EVA1C: variants seen among roughly 807,000 people sequenced by gnomAD.
EVA1C encodes protein eva-1 homolog C.
Under a neutral mutation model 45.4 loss-of-function variants are expected in EVA1C, and 25 were observed. The observed-to-expected ratio is 0.55, with a 90% CI of 0.40 to 0.77. The LOEUF (loss-of-function observed/expected upper bound fraction) is 0.77, where lower values mean the gene tolerates loss of function less well. Among genes scored for constraint, EVA1C ranks in the 30% least tolerant of loss-of-function variants. EVA1C has a pLI of 0.00. For missense variants in EVA1C, 479 were observed against 554.8 expected, an observed-to-expected ratio of 0.86 and a Z score of 1.37; for synonymous variants, 190 against 221.2, an observed-to-expected ratio of 0.86 and a Z score of 1.25.
At position 32,467,848 on chromosome 21, in the gene EVA1C, G is replaced by A. The variant is rs764609074; in HGVS notation, c.634G>A (p.Asp212Asn). The part of the protein sequence containing the change: ...SSKAERLPPF[D>N]CLSYSALQVL... Reference sequence around the variant, plus strand: ...CAAGGCAGAGCGGCTCCCCCCTTTCGGTATGTGCTTTTGTGTGTGTATTAG... The same window carrying A: ...CAAGGCAGAGCGGCTCCCCCCTTTCAGTATGTGCTTTTGTGTGTGTATTAG... Residue 212 changes from aspartate to asparagine, a missense_variant and splice_region_variant, in exon 4 of 8, where the codon GAT becomes AAT. Around this residue, in one of 3 missense-constraint regions of EVA1C, gnomAD observed 366 missense variants for 426.1 expected, o/e 0.86. Coordinates refer to ENST00000300255, the MANE Select transcript of EVA1C (RefSeq NM_058187.5). 4.7e-5 allele frequency: 76 copies of A among 1,605,510 alleles called. No homozygotes were observed. The highest frequency in any genetic ancestry group is 5.9e-5 in the Non-Finnish European group (70 of 1,176,912).
At chr21:32,423,498 T>A (rs1465643363) in intron 1 of EVA1C, among the ~76,000 whole-genome samples, 1 of 152,046 alleles carries the variant, frequency 6.6e-6, no homozygotes, top group Non-Finnish European at 1.5e-5. Context: ...ACAGAGGAGT[T>A]TGAGGGATGA....
chr21:32,464,797 T>G (rs2036117980), intron 3 of EVA1C, among the ~76,000 whole-genome samples: 1 of 152,204 alleles, frequency 6.6e-6, no homozygotes, highest in African/African-American at 2.4e-5. Context: ...CACTCCAGTC[T>G]GGGTGACAGA....
At chr21:32,467,426 A>C (rs190919276) in intron 3 of EVA1C, among the ~76,000 whole-genome samples, 7 of 152,302 alleles carry the variant, frequency 4.6e-5, no homozygotes, top group Admixed American at 3.9e-4. Flanking sequence ...AACTCCATGC[A>C]TCTGCTTCCT....
At chr21:32,458,481 A>ATT (rs1555859600) in intron 3 of EVA1C, among the ~76,000 whole-genome samples, 24,278 of 140,798 alleles carry the variant, frequency 0.17, 2,337 homozygotes, top group Admixed American at 0.26. Context: ...GAAGTTAAGC[A>ATT]CTTTTTTTTT....
intron 4 of EVA1C, among the ~76,000 whole-genome samples, chr21:32,477,319 T>C (rs2036603152): frequency 6.6e-6 from 1 of 151,982 alleles, no homozygotes; most frequent in African/African-American, 2.4e-5. Flanking sequence ...ACCCCCACAG[T>C]TTGAGGATTT....
At chr21:32,459,002 A>C (rs1380071714) in intron 3 of EVA1C, among the ~76,000 whole-genome samples, 1 of 152,004 alleles carries the variant, frequency 6.6e-6, no homozygotes, top group Non-Finnish European at 1.5e-5. Context: ...GGCTTCTGTC[A>C]AACCCCTTCC....
intron 4 of EVA1C, among the ~76,000 whole-genome samples, chr21:32,469,454 T>G (rs62216211): frequency 6.6e-6 from 1 of 152,052 alleles, no homozygotes; most frequent in African/African-American, 2.4e-5. Flanking sequence ...TAGCTGGGTA[T>G]TCAGTGCTAA....
chr21:32,468,496 T>TTA lies in EVA1C; in HGVS notation c.634+657_634+658dup, dbSNP rs1281688583. On this transcript the variant is annotated intron_variant, in intron 4 of 7. Transcript: ENST00000300255. ...ATAAAGAATAGTACCCAACTCCCCTTTATATATATACATAAAGGGGAGTTT... is the reference window on the plus strand; with the variant it reads ...ATAAAGAATAGTACCCAACTCCCCTTTATATATATATACATAAAGGGGAGTTT... Among the ~76,000 whole-genome samples the TTA allele has an allele frequency of 1.1e-4, 16 of 151,392 alleles. No individual in the cohort carries two copies. The East Asian group carries it at 1.6e-3, about 15-fold the overall frequency.
intron 1 of EVA1C, among the ~76,000 whole-genome samples, chr21:32,417,613 C>G (rs1160014051): frequency 6.6e-6 from 1 of 152,160 alleles, no homozygotes; most frequent in African/African-American, 2.4e-5. Context: ...ATAAATAAAC[C>G]TGACTGATAG....
rs369397033 is a variant in EVA1C, at chr21:32,476,869, C to T, written c.634+9021C>T. 5.9e-5 allele frequency among the ~76,000 whole-genome samples: 9 copies of T among 152,202 alleles called. No individual in the cohort carries two copies. The South Asian group carries it at 6.2e-4, about 11-fold the overall frequency. Reference sequence around the variant, plus strand: ...CCCCCATCTGCGTCAAGAAAGCCTCCGAGCTCTGGGTGCAGAGGAGGGAGA... The same window carrying T: ...CCCCCATCTGCGTCAAGAAAGCCTCTGAGCTCTGGGTGCAGAGGAGGGAGA... On this transcript the variant is annotated intron_variant, in intron 4 of 7. Coordinates refer to ENST00000300255, the MANE Select transcript of EVA1C (RefSeq NM_058187.5).
chr21:32,418,900 A>C (rs938616469), intron 1 of EVA1C, among the ~76,000 whole-genome samples: 3 of 152,146 alleles, frequency 2.0e-5, no homozygotes, highest in Non-Finnish European at 4.4e-5. Flanking sequence ...AAGTGGGTGC[A>C]CTCACAAAGT....
intron 4 of EVA1C, among the ~76,000 whole-genome samples, chr21:32,487,313 C>A (rs942773617): frequency 6.6e-6 from 1 of 152,144 alleles, no homozygotes; most frequent in Non-Finnish European, 1.5e-5. Context: ...GTTGTTGGGT[C>A]CATCACCAAT....
intron 2 of EVA1C, among the ~76,000 whole-genome samples, chr21:32,455,462 C>T (rs1451066668): frequency 6.6e-6 from 1 of 152,038 alleles, no homozygotes; most frequent in Non-Finnish European, 1.5e-5. Context: ...GGGGGATAAA[C>T]ATTCCAGCCA....
intron 1 of EVA1C, among the ~76,000 whole-genome samples, chr21:32,449,285 C>T (rs10048879): frequency 0.039 from 5,910 of 152,274 alleles, 143 homozygotes; most frequent in African/African-American, 0.058. Flanking sequence ...TGGGTTTGGA[C>T]GTATGGACAA....
chr21:32,422,258 G>T (rs115920687), intron 1 of EVA1C, among the ~76,000 whole-genome samples: 1,668 of 152,136 alleles, frequency 0.011, 29 homozygotes, highest in African/African-American at 0.039. Flanking sequence ...AAACAGTGAG[G>T]TGGAAAAAAA....
intron 4 of EVA1C, among the ~76,000 whole-genome samples, chr21:32,488,828 C>T (rs955955039): frequency 2.4e-4 from 36 of 151,162 alleles, no homozygotes; most frequent in African/African-American, 3.2e-4. Context: ...CCAGGTGATC[C>T]GCCCACCTTG....
intron 1 of EVA1C, among the ~76,000 whole-genome samples, chr21:32,430,831 G>A (rs1568870080): frequency 6.6e-6 from 1 of 152,072 alleles, no homozygotes; most frequent in Non-Finnish European, 1.5e-5. Context: ...AAATTAGCCA[G>A]GCGTGATGGC....
intron 6 of EVA1C, among the ~76,000 whole-genome samples, chr21:32,502,049 TTTC>T (rs1568950018): frequency 7.2e-6 from 1 of 138,532 alleles, no homozygotes; most frequent in African/African-American, 2.9e-5. Context: ...TCTTTCTTTC[TTTC>T]TTCTTTCTTT....
At chr21:32,468,995 G>A (rs964004299) in intron 4 of EVA1C, among the ~76,000 whole-genome samples, 1 of 152,160 alleles carries the variant, frequency 6.6e-6, no homozygotes, top group Non-Finnish European at 1.5e-5. Flanking sequence ...AAAGTCAAGG[G>A]CAGGGAGGAA....
Sources: gnomAD v4.1 joint callset for allele counts (sites outside exome capture counted in the v4.1 genomes callset) on GRCh38, gnomAD v4.1.1 for gene constraint, gnomAD v4.1.1 regional missense constraint, MANE v1.5 for transcripts, NCBI Gene and HGNC (gene_info 2026-07-23, HGNC 2026-07-21) for gene names.